SH3D19: variants seen among roughly 807,000 people sequenced by gnomAD.
SH3D19 encodes the protein SH3 domain containing 19, also known as SH3 domain-containing protein 19.
In SH3D19, 58 loss-of-function variants were observed where a neutral mutation model predicts 112.1. The observed-to-expected ratio is 0.52, with a 90% CI of 0.42 to 0.64. SH3D19 has a LOEUF of 0.64. Among genes scored for constraint, SH3D19 ranks in the 30% least tolerant of loss-of-function variants. The pLI, the probability that SH3D19 is intolerant of heterozygous loss-of-function variation, is 0.00. For synonymous variants in SH3D19, 391 were observed against 448.5 expected (o/e 0.87, Z 1.62); for missense variants, 1,090 against 1,263.4 (o/e 0.86, Z 2.08).
At chr4:151,138,536 G>GA (rs1406647450) in intron 13 of SH3D19, among the ~76,000 whole-genome samples, 89 of 146,768 alleles carry the variant, frequency 6.1e-4, no homozygotes, top group African/African-American at 1.5e-3. Context: ...ATGTCCCTAG[G>GA]AAAAAAAAAA....
chr4:151,148,254 TACACACACACACACACAC>T (rs34219685), intron 10 of SH3D19, 68 bp from the exon 11 acceptor site: 13,868 of 944,312 alleles, frequency 0.015, no homozygotes, highest in South Asian at 0.021. Flanking sequence ...TGTCCTGTCT[TACACACACACACACACAC>T]ACACACACAC....
At chr4:151,132,724 C>T (rs1409191181) in intron 16 of SH3D19, among the ~76,000 whole-genome samples, 1 of 152,208 alleles carries the variant, frequency 6.6e-6, no homozygotes, top group Non-Finnish European at 1.5e-5. Flanking sequence ...CAGCCTTGAA[C>T]TCCTGGTCTC....
chr4:151,130,599 CA>C (rs1750430580), intron 17 of SH3D19, among the ~76,000 whole-genome samples: 1 of 152,032 alleles, frequency 6.6e-6, no homozygotes, highest in South Asian at 2.1e-4. Context: ...TCTCATTATA[CA>C]AATGAAACAA....
chr4:151,137,984 A>C, intron 13 of SH3D19, 122 bp from the exon 14 acceptor site: 2 of 682,470 alleles, frequency 2.9e-6, no homozygotes, highest in Non-Finnish European at 4.4e-6. Flanking sequence ...CTGAGAACAG[A>C]TTATACTAAT....
At chr4:151,232,001 T>C (rs1276049140) in intron 1 of SH3D19, among the ~76,000 whole-genome samples, 1 of 152,088 alleles carries the variant, frequency 6.6e-6, no homozygotes, top group African/African-American at 2.4e-5. Flanking sequence ...CTGGCCAACA[T>C]GGTGAAACCC....
At chr4:151,199,597 C>T (rs1377500745) in intron 2 of SH3D19, among the ~76,000 whole-genome samples, 1 of 152,114 alleles carries the variant, frequency 6.6e-6, no homozygotes, top group Non-Finnish European at 1.5e-5. Flanking sequence ...ATAGGCTGCC[C>T]CATCCCCATT....
At chr4:151,245,606 TTTG>T (rs1404540441) in intron 1 of SH3D19, among the ~76,000 whole-genome samples, 1 of 152,054 alleles carries the variant, frequency 6.6e-6, no homozygotes, top group Non-Finnish European at 1.5e-5. Context: ...TTCTGAGTCT[TTTG>T]TTTGTTTGTT....
At chr4:151,235,449 T>C (rs1175417296) in intron 1 of SH3D19, among the ~76,000 whole-genome samples, 1 of 152,336 alleles carries the variant, frequency 6.6e-6, no homozygotes, top group Non-Finnish European at 1.5e-5. Flanking sequence ...AAAATTTATT[T>C]AACTTTGTTT....
At chr4:151,238,691 T>A (rs1320007) in intron 1 of SH3D19, among the ~76,000 whole-genome samples, 139,536 of 151,632 alleles carry the variant, frequency 0.92, 64,411 homozygotes, top group Non-Finnish European at 0.96. Flanking sequence ...CTGTGACTTC[T>A]AACTGAGATT....
intron 17 of SH3D19, among the ~76,000 whole-genome samples, chr4:151,128,690 G>C (rs1015996951): frequency 1.3e-5 from 2 of 152,082 alleles, no homozygotes; most frequent in Non-Finnish European, 2.9e-5. Flanking sequence ...ACCCAGGATG[G>C]AGTACAGTGG....
At chr4:151,300,032 T>C (rs1728219704) in intron 1 of SH3D19, among the ~76,000 whole-genome samples, 1 of 152,058 alleles carries the variant, frequency 6.6e-6, no homozygotes, top group African/African-American at 2.4e-5. Context: ...AGAAACCCCA[T>C]GTCTACTAAA....
intron 1 of SH3D19, among the ~76,000 whole-genome samples, chr4:151,240,411 T>C (rs2149966843): frequency 6.6e-6 from 1 of 150,668 alleles, no homozygotes; most frequent in East Asian, 1.9e-4. Context: ...AACATGTCTC[T>C]TAAAAAAAAA....
intron 1 of SH3D19, among the ~76,000 whole-genome samples, chr4:151,289,414 G>A (rs563471989): frequency 6.6e-6 from 1 of 152,190 alleles, no homozygotes; most frequent in African/African-American, 2.4e-5. Flanking sequence ...ATGCTTCAAT[G>A]GACACCATCA....
At chr4:151,268,562 G>T (rs1287121081) in intron 1 of SH3D19, among the ~76,000 whole-genome samples, 1 of 147,798 alleles carries the variant, frequency 6.8e-6, no homozygotes, top group Non-Finnish European at 1.5e-5. Flanking sequence ...TTTAGCATTA[G>T]GTATATCTCC....
rs1349202347 is a variant in SH3D19 at position 151,216,878 on chromosome 4, TGTGTGTG to T, written c.152+9162_152+9168del. 3.9e-4 allele frequency among the ~76,000 whole-genome samples: 3 copies of T among 7,604 alleles called. No individual in the cohort carries two copies. In the African/African-American group the frequency reaches 4.6e-3, roughly 12 times the overall value. 5.0% of individuals were successfully genotyped at this position (7,604 alleles called of 152,430 possible). On this transcript the variant is annotated intron_variant, in intron 2 of 19. Transcript: ENST00000604030. ...TCTGAAAACCACAACAAAACAACACTGTGTGTGTGTGTGTGTGTGTGTGTGTGTGTGT... is the reference window on the plus strand; with the variant it reads ...TCTGAAAACCACAACAAAACAACACTTGTGTGTGTGTGTGTGTGTGTGTGT...
In SH3D19 at chr4:151,279,811, T is replaced by C. The variant is rs746583624; in HGVS notation, c.112+45430A>G. The C allele has an allele frequency of 9.9e-6, 16 of 1,613,902 alleles. No homozygotes were observed. The highest frequency in any genetic ancestry group is 1.4e-5 in the Non-Finnish European group (16 of 1,179,902). On this transcript the variant is annotated intron_variant, in intron 1 of 19. Transcript: ENST00000604030. Reference sequence around the variant, plus strand: ...CTTTCTCTAGTGTGTGGGCAACCTGTATACTCCAGCCGCGTTGTAGGTGGC... The same window carrying C: ...CTTTCTCTAGTGTGTGGGCAACCTGCATACTCCAGCCGCGTTGTAGGTGGC...
chr4:151,214,443 T>G (rs552142760), intron 2 of SH3D19, among the ~76,000 whole-genome samples: 75 of 14,354 alleles, frequency 5.2e-3, no homozygotes, highest in Non-Finnish European at 0.024. Context: ...CGGACGAGGC[T>G]GCTGGCCGGG....
At chr4:151,129,690 A>C (rs1437789043) in intron 17 of SH3D19, among the ~76,000 whole-genome samples, 1 of 152,178 alleles carries the variant, frequency 6.6e-6, no homozygotes, top group Non-Finnish European at 1.5e-5. Context: ...CTTTGGAGCT[A>C]CACAGGCAAG....
chr4:151,229,260 T>C (rs60761330), intron 1 of SH3D19, among the ~76,000 whole-genome samples: 13,842 of 152,212 alleles, frequency 0.091, 900 homozygotes, highest in East Asian at 0.19. Context: ...AGAAATCATA[T>C]GAATAACTTT....
Sources: allele counts gnomAD v4.1 joint callset (sites outside exome capture counted in the v4.1 genomes callset), GRCh38; gene constraint gnomAD v4.1.1; transcripts MANE v1.5; gene names NCBI Gene and HGNC (gene_info 2026-07-23, HGNC 2026-07-21).